Variants in BMERB1 observed in about 807,000 individuals in gnomAD.
The protein encoded by BMERB1 is bMERB domain containing 1, also known as bMERB domain-containing protein 1.
BMERB1 carries 12 observed loss-of-function variants against 23.6 expected under a neutral mutation model. The observed-to-expected ratio is 0.51, with a 90% CI of 0.33 to 0.82. The LOEUF is 0.82. Ranked by LOEUF, BMERB1 falls within the 40% of genes least tolerant of loss-of-function variation. BMERB1 has a pLI of 0.03. For synonymous variants in BMERB1, 122 were observed against 96.6 expected (o/e 1.26, Z -1.54); for missense variants, 247 against 255.4 (o/e 0.97, Z 0.22).
At chr16:15,504,936 A>G (rs1482387167) in intron 1 of BMERB1, among the ~76,000 whole-genome samples, 1 of 152,030 alleles carries the variant, frequency 6.6e-6, no homozygotes, top group Non-Finnish European at 1.5e-5. Context: ...ACTGAAATGA[A>G]TAGCACCCCC....
intron 2 of BMERB1, among the ~76,000 whole-genome samples, chr16:15,518,220 C>G (rs1358936682): frequency 6.6e-6 from 1 of 152,124 alleles, no homozygotes; most frequent in East Asian, 1.9e-4. Context: ...GGACAAATGT[C>G]AACAGTAGAC....
chr16:15,439,747 T>TA (rs1009551025), intron 1 of BMERB1, among the ~76,000 whole-genome samples: 2 of 152,178 alleles, frequency 1.3e-5, no homozygotes, highest in African/African-American at 4.8e-5. Flanking sequence ...TATATAAAAA[T>TA]ACTGCTTTCA....
chr16:15,569,962 A>T (rs1266308109), intron 3 of BMERB1, among the ~76,000 whole-genome samples: 1 of 152,190 alleles, frequency 6.6e-6, no homozygotes, highest in African/African-American at 2.4e-5. Flanking sequence ...TTTAAACTAT[A>T]AACTAAATGT....
chr16:15,491,827 C>A (rs2051423487), intron 1 of BMERB1, among the ~76,000 whole-genome samples: 1 of 152,188 alleles, frequency 6.6e-6, no homozygotes, highest in African/African-American at 2.4e-5. Flanking sequence ...ACCCCGCTAT[C>A]TGGAGGAGTC....
intron 1 of BMERB1, among the ~76,000 whole-genome samples, chr16:15,440,019 C>T (rs577874812): frequency 4.6e-5 from 7 of 151,704 alleles, no homozygotes; most frequent in African/African-American, 9.7e-5. Flanking sequence ...CTGAGGTGGG[C>T]GGATCGCTTG....
At chr16:15,473,091 C>A (rs1395770024) in intron 1 of BMERB1, among the ~76,000 whole-genome samples, 5 of 151,954 alleles carry the variant, frequency 3.3e-5, no homozygotes, top group African/African-American at 1.2e-4. Context: ...AACTCCTGAC[C>A]TCAGGTCATC....
intron 3 of BMERB1, among the ~76,000 whole-genome samples, chr16:15,568,667 T>G (rs1204469094): frequency 6.6e-6 from 1 of 152,078 alleles, no homozygotes; most frequent in Non-Finnish European, 1.5e-5. Flanking sequence ...TTAAATTAAA[T>G]ATCATAAAAA....
At chr16:15,556,801 G>A (rs1051688016) in intron 2 of BMERB1, among the ~76,000 whole-genome samples, 2 of 152,122 alleles carry the variant, frequency 1.3e-5, no homozygotes, top group African/African-American at 2.4e-5. Context: ...GGCCAGGCTG[G>A]TCTCGATTTC....
intron 3 of BMERB1, among the ~76,000 whole-genome samples, chr16:15,577,606 C>T (rs76891038): frequency 0.022 from 3,290 of 152,240 alleles, 109 homozygotes; most frequent in East Asian, 0.11. Context: ...CCAAGTGCAC[C>T]GCTTGACCTT....
At chr16:15,456,139 G>T (rs1431369948) in intron 1 of BMERB1, among the ~76,000 whole-genome samples, 2 of 152,050 alleles carry the variant, frequency 1.3e-5, no homozygotes, top group African/African-American at 4.8e-5. Flanking sequence ...TCTACTTCAG[G>T]AAGAAAATTT....
chr16:15,494,483 C>T (rs1340733691), intron 1 of BMERB1, among the ~76,000 whole-genome samples: 1 of 152,118 alleles, frequency 6.6e-6, no homozygotes, highest in Middle Eastern at 3.2e-3. Context: ...ACTCTTGTGT[C>T]ATCTCTTTCA....
At chr16:15,474,393 C>T (rs2051258159) in intron 1 of BMERB1, among the ~76,000 whole-genome samples, 1 of 152,142 alleles carries the variant, frequency 6.6e-6, no homozygotes, top group Non-Finnish European at 1.5e-5. Context: ...GAGACAGGGT[C>T]TCACTCTGTT....
At chr16:15,437,095 G>C (rs567360957) in intron 1 of BMERB1, among the ~76,000 whole-genome samples, 12 of 152,224 alleles carry the variant, frequency 7.9e-5, no homozygotes, top group African/African-American at 2.6e-4. Flanking sequence ...CTTTTAACAT[G>C]AAGGTTTATT....
chr16:15,574,791 G>T (rs917613895), intron 3 of BMERB1, among the ~76,000 whole-genome samples: 1 of 152,144 alleles, frequency 6.6e-6, no homozygotes, highest in African/African-American at 2.4e-5. Flanking sequence ...AAAATCGGGG[G>T]TCAAGGCCAG....
chr16:15,525,718 A>AT (rs57435158), intron 2 of BMERB1, among the ~76,000 whole-genome samples: 1 of 151,708 alleles, frequency 6.6e-6, no homozygotes, highest in African/African-American at 2.4e-5. Context: ...AAAAAAAAAA[A>AT]GAAAAAAGAA....
chr16:15,583,654 G>T (rs1009229733), intron 5 of BMERB1, among the ~76,000 whole-genome samples: 1 of 151,412 alleles, frequency 6.6e-6, no homozygotes, highest in Non-Finnish European at 1.5e-5. Flanking sequence ...GCTTTCTAGA[G>T]ATCAGATCTA....
At chr16:15,532,941 G>A (rs544138304) in intron 2 of BMERB1, 19 of 451,378 alleles carry the variant, frequency 4.2e-5, no homozygotes, top group East Asian at 1.4e-4. Flanking sequence ...TACTTGCTCC[G>A]GATTAAATTA....
At chr16:15,461,154 C>T (rs986490928) in intron 1 of BMERB1, among the ~76,000 whole-genome samples, 3 of 150,950 alleles carry the variant, frequency 2.0e-5, no homozygotes, top group Admixed American at 6.6e-5. Context: ...CTAGGCGCAT[C>T]AGGGGCTTTG....
intron 2 of BMERB1, among the ~76,000 whole-genome samples, chr16:15,567,605 C>CA (rs1023508504): frequency 1.3e-5 from 2 of 152,020 alleles, no homozygotes; most frequent in African/African-American, 4.8e-5. Flanking sequence ...ACTAAAAATA[C>CA]AAAAAAAGTT....
Sources: gnomAD v4.1 joint callset for allele counts (sites outside exome capture counted in the v4.1 genomes callset) on GRCh38, gnomAD v4.1.1 for gene constraint, MANE v1.5 for transcripts, NCBI Gene and HGNC (gene_info 2026-07-23, HGNC 2026-07-21) for gene names.